FAM200B: variants seen among roughly 807,000 people sequenced by gnomAD.
The protein encoded by FAM200B is protein FAM200B.
In FAM200B, 32 loss-of-function variants were observed where a neutral mutation model predicts 33.1. That is an observed-to-expected ratio of 0.97 (90% CI 0.73 to 1.30). The LOEUF is 1.30. FAM200B is among the 50% of genes most tolerant of loss of function. FAM200B has a pLI of 0.00. For missense variants in FAM200B, 741 were observed against 754.0 expected (o/e 0.98, Z 0.20); for synonymous variants, 240 against 264.8 (o/e 0.91, Z 0.91).
the FAM200B span, among the ~76,000 whole-genome samples, chr4:15,642,529 C>T: frequency 6.6e-6 from 1 of 152,132 alleles, no homozygotes; most frequent in Non-Finnish European, 1.5e-5. Context: ...AGCCACCATG[C>T]CCAGCCTATG....
chr4:15,650,661 C>CTTTTTTTTTTTTTTTTTTTTTTTTTT, the FAM200B span, among the ~76,000 whole-genome samples: 1 of 77,884 alleles, frequency 1.3e-5, no homozygotes, highest in Non-Finnish European at 2.4e-5. Context: ...AACTGACTTT[C>CTTTTTTTTTTTTTTTTTTTTTTTTTT]TTTTTTTTTT....
At position 15,688,070 on chromosome 4, in the gene FAM200B, C is replaced by T. The variant is rs1577546943; in HGVS notation, c.1093C>T (p.Leu365Phe). 7 of 1,551,152 alleles carry T rather than the reference C, an allele frequency of 4.5e-6. No individual in the cohort carries two copies. The highest frequency in any genetic ancestry group is 6.1e-6 in the Non-Finnish European group (7 of 1,146,734). ...TAAAGGAAGCTCATTGAATAGCCGGCTTCTTGAAACATTTTGTTCAGAGAT... is the reference window on the plus strand; with the variant it reads ...TAAAGGAAGCTCATTGAATAGCCGGTTTCTTGAAACATTTTGTTCAGAGAT... ...FIKGSSLNSRLLETFCSEIGT... is the reference protein window; with the variant it reads ...FIKGSSLNSRFLETFCSEIGT... Residue 365 changes from leucine (L) to phenylalanine (F), a missense_variant, in exon 2 of 2, where the codon CTT becomes TTT. By Grantham distance (22) the Leu-to-Phe change is conservative. Transcript: ENST00000422728.
chr4:15,666,549 T>G, the FAM200B span, among the ~76,000 whole-genome samples: 4 of 125,628 alleles, frequency 3.2e-5, no homozygotes, highest in Admixed American at 1.7e-4. Flanking sequence ...AAGTGTCAGG[T>G]AGACAGGAGG....
At chr4:15,677,926 T>C (rs1374695447), upstream of FAM200B, among the ~76,000 whole-genome samples, 4 of 97,448 alleles carry the variant, frequency 4.1e-5, no homozygotes, top group African/African-American at 1.5e-4. Flanking sequence ...CCTGTGGGAC[T>C]GAGCGCTTAA....
chr4:15,689,052 T>TA lies in FAM200B; in HGVS notation c.*102dup. On this transcript the variant is annotated 3_prime_UTR_variant, in exon 2 of 2. Coordinates refer to ENST00000422728, the MANE Select transcript of FAM200B (RefSeq NM_001145191.2). ...TACTATAATACTGTGATACTTTTGT[T>TA]ATGTTTTAATTTTTGTTATATTTAA... 1.1e-6 allele frequency: 1 copy of TA among 892,504 alleles called. No individual in the cohort carries two copies. The highest frequency in any genetic ancestry group is 1.5e-6 in the Non-Finnish European group (1 of 656,798). 55.3% of individuals were successfully genotyped at this position (892,504 alleles called of 1,614,324 possible).
At chr4:15,654,833 C>A in the FAM200B span, among the ~76,000 whole-genome samples, 1 of 152,166 alleles carries the variant, frequency 6.6e-6, no homozygotes, top group East Asian at 1.9e-4. Context: ...CCGGCCGGGG[C>A]ACCCAGGGCT....
chr4:15,645,057 A>T, the FAM200B span, among the ~76,000 whole-genome samples: 1 of 152,192 alleles, frequency 6.6e-6, no homozygotes, highest in African/African-American at 2.4e-5. Context: ...GAAATTTTAA[A>T]GAGGGAAACT....
chr4:15,674,710 C>A, the FAM200B span, among the ~76,000 whole-genome samples: 1 of 150,480 alleles, frequency 6.6e-6, no homozygotes, highest in Non-Finnish European at 1.5e-5. Flanking sequence ...AGTGCAGTGA[C>A]GCGATCTTGG....
the FAM200B span, among the ~76,000 whole-genome samples, chr4:15,670,129 T>TG: frequency 4.6e-5 from 7 of 152,240 alleles, no homozygotes; most frequent in African/African-American, 1.7e-4. Context: ...CACTGCTAAG[T>TG]AGTATTCTCA....
the FAM200B span, among the ~76,000 whole-genome samples, chr4:15,672,160 AG>A: frequency 1.3e-5 from 2 of 152,220 alleles, no homozygotes; most frequent in Non-Finnish European, 2.9e-5. Context: ...AACACTTGTT[AG>A]GCAAGACAGG....
chr4:15,658,305 A>G, the FAM200B span, among the ~76,000 whole-genome samples: 4 of 152,214 alleles, frequency 2.6e-5, no homozygotes, highest in Admixed American at 2.6e-4. Context: ...CTGTCCATCA[A>G]AATAGTCAAT....
chr4:15,658,848 A>G, the FAM200B span, among the ~76,000 whole-genome samples: 1 of 152,222 alleles, frequency 6.6e-6, no homozygotes, highest in Admixed American at 6.5e-5. Flanking sequence ...AGCATTAAAT[A>G]TTAAGAAAAA....
chr4:15,649,206 T>C, the FAM200B span, among the ~76,000 whole-genome samples: 1 of 151,890 alleles, frequency 6.6e-6, no homozygotes, highest in Non-Finnish European at 1.5e-5. Flanking sequence ...TTAAAGATAC[T>C]ACCCAACTCA....
At chr4:15,652,092 G>C in the FAM200B span, among the ~76,000 whole-genome samples, 1 of 152,168 alleles carries the variant, frequency 6.6e-6, no homozygotes, top group African/African-American at 2.4e-5. Flanking sequence ...GTAGACGGTA[G>C]AAACTCCAAT....
the FAM200B span, among the ~76,000 whole-genome samples, chr4:15,637,903 A>T: frequency 0.5 from 50,963 of 102,518 alleles, 9,038 homozygotes; most frequent in Non-Finnish European, 0.53. Context: ...TAGTTTTTTT[A>T]AAAAAAAAAA....
the FAM200B span, among the ~76,000 whole-genome samples, chr4:15,648,168 T>G: frequency 6.6e-6 from 1 of 152,296 alleles, no homozygotes; most frequent in Non-Finnish European, 1.5e-5. Flanking sequence ...CCTGTGATAA[T>G]TTAATAAGTT....
At chr4:15,655,353 G>A in the FAM200B span, 1 of 1,211,544 alleles carries the variant, frequency 8.3e-7, no homozygotes, top group South Asian at 2.0e-5. Flanking sequence ...CCCTCGCCGC[G>A]GGGCAGAGGC....
intron 1 of FAM200B, among the ~76,000 whole-genome samples, chr4:15,683,833 G>T: frequency 6.6e-6 from 1 of 152,190 alleles, no homozygotes; most frequent in East Asian, 1.9e-4. Flanking sequence ...TAAAAATAGA[G>T]TGTACATTGT....
the FAM200B span, among the ~76,000 whole-genome samples, chr4:15,673,562 G>C: frequency 2.0e-5 from 3 of 152,158 alleles, no homozygotes; most frequent in Admixed American, 1.3e-4. Flanking sequence ...GAATTTTCCA[G>C]CTCCATTATA....
Sources: allele counts gnomAD v4.1 joint callset (sites outside exome capture counted in the v4.1 genomes callset), GRCh38; gene constraint gnomAD v4.1.1; transcripts MANE v1.5; gene names NCBI Gene and HGNC (gene_info 2026-07-23, HGNC 2026-07-21).